Variants in E2F7 observed in about 807,000 individuals in gnomAD.
E2F7 encodes the protein E2F transcription factor 7.
E2F7 carries 35 observed loss-of-function variants against 81.1 expected under a neutral mutation model. The observed-to-expected ratio is 0.43, with a 90% CI of 0.33 to 0.57. The LOEUF is 0.57. E2F7 is among the 20% of genes least tolerant of loss of function. The pLI, the probability that E2F7 is intolerant of heterozygous loss-of-function variation, is 0.04. For synonymous variants in E2F7, 416 were observed against 416.2 expected, an observed-to-expected ratio of 1.00 and a Z score of 0.01; for missense variants, 961 against 1,093.7, an observed-to-expected ratio of 0.88 and a Z score of 1.71.
chr12:77,044,225 G>T (rs1259592864), intron 6 of E2F7: 2 of 454,322 alleles, frequency 4.4e-6, no homozygotes, highest in African/African-American at 4.0e-5. Flanking sequence ...CCCTTACCCT[G>T]GCCATTCTTC....
In E2F7 at chr12:77,059,960, C is replaced by CAA. The variant is rs59663589; in HGVS notation, c.94-3832_94-3831dup. 2.9e-3 allele frequency among the ~76,000 whole-genome samples: 227 copies of CAA among 76,984 alleles called. 3 individuals are homozygous for CAA. The highest frequency in any genetic ancestry group is 0.017 in the East Asian group (47 of 2,762). 50.5% of individuals were successfully genotyped at this position (76,984 alleles called of 152,430 possible). ...CCTGGGTGACAGCGAGATTCTGTCT[C>CAA]AAAAAAAAAAAAAAAAAAAAAAGCC... On this transcript the variant is annotated intron_variant, in intron 2 of 12. Transcript: ENST00000322886.
At chr12:77,039,943 A>T (rs1007896471) in intron 7 of E2F7, among the ~76,000 whole-genome samples, 17 of 152,226 alleles carry the variant, frequency 1.1e-4, no homozygotes, top group African/African-American at 4.1e-4. Context: ...TATCAATCTC[A>T]AAATAATTAT....
chr12:77,029,598 T>C (rs1232997098), intron 10 of E2F7, among the ~76,000 whole-genome samples: 1 of 152,104 alleles, frequency 6.6e-6, no homozygotes, highest in African/African-American at 2.4e-5. Flanking sequence ...GTAACTCTTC[T>C]TTATACTTTT....
At chr12:77,031,070 C>T (rs310829) in intron 9 of E2F7, among the ~76,000 whole-genome samples, 12,062 of 152,128 alleles carry the variant, frequency 0.079, 688 homozygotes, top group Middle Eastern at 0.17. Flanking sequence ...AAAATTAAGT[C>T]CCATAAATGT....
intron 3 of E2F7, among the ~76,000 whole-genome samples, chr12:77,053,554 C>T (rs949349295): frequency 6.6e-6 from 1 of 152,160 alleles, no homozygotes; most frequent in African/African-American, 2.4e-5. Flanking sequence ...ACACTGAGGT[C>T]CCCAGATGAC....
At chr12:77,024,671 A>G (rs1200839183) in intron 12 of E2F7, among the ~76,000 whole-genome samples, 1 of 152,248 alleles carries the variant, frequency 6.6e-6, no homozygotes, top group Non-Finnish European at 1.5e-5. Context: ...TTAATGTGCC[A>G]TAAAATGGCA....
At chr12:77,031,174 G>A (rs1041747187) in intron 9 of E2F7, among the ~76,000 whole-genome samples, 29 of 152,044 alleles carry the variant, frequency 1.9e-4, no homozygotes, top group Admixed American at 1.7e-3. Context: ...AGTGAGCTAC[G>A]ATCACGCCAC....
At chr12:77,034,234 T>G (rs1469494925) in intron 7 of E2F7, among the ~76,000 whole-genome samples, 192 bp from the exon 8 acceptor site, 3 of 152,142 alleles carry the variant, frequency 2.0e-5, no homozygotes, top group African/African-American at 7.2e-5. Context: ...CTTTTTTTTT[T>G]AAGTTAGTGG....
intron 6 of E2F7, among the ~76,000 whole-genome samples, chr12:77,043,658 G>A (rs2120692934): frequency 6.6e-6 from 1 of 152,182 alleles, no homozygotes; most frequent in Admixed American, 6.5e-5. Flanking sequence ...GCACTCCTGG[G>A]CACACAGGAT....
chr12:77,028,281 C>T (rs1435196823), intron 10 of E2F7, 143 bp from the exon 11 acceptor site: 4 of 1,093,006 alleles, frequency 3.7e-6, no homozygotes, highest in Admixed American at 2.8e-5. Context: ...CAACCTCTGA[C>T]TCCAAGGTTC....
chr12:77,041,518 G>T (rs1565902796), intron 7 of E2F7, among the ~76,000 whole-genome samples: 1 of 152,076 alleles, frequency 6.6e-6, no homozygotes, highest in Admixed American at 6.6e-5. Flanking sequence ...TCAATGGTAC[G>T]ACCACCTTTG....
At chr12:77,064,004 T>C (rs1955098277) in intron 2 of E2F7, among the ~76,000 whole-genome samples, 1 of 152,234 alleles carries the variant, frequency 6.6e-6, no homozygotes, top group Non-Finnish European at 1.5e-5. Flanking sequence ...TGTAAGGGAA[T>C]GGCTCAGTGC....
chr12:77,061,549 T>C (rs570429995), intron 2 of E2F7, among the ~76,000 whole-genome samples: 2 of 152,300 alleles, frequency 1.3e-5, no homozygotes, highest in African/African-American at 4.8e-5. Flanking sequence ...TTGTGTCAAG[T>C]GCATTGTAAA....
intron 11 of E2F7, 145 bp from the exon 12 acceptor site, chr12:77,026,127 C>A: frequency 1.1e-6 from 1 of 895,270 alleles, no homozygotes; most frequent in Non-Finnish European, 1.6e-6. Context: ...CCAGGCCAAA[C>A]AGCCCACACC....
chr12:77,036,190 A>T (rs1954848457), intron 7 of E2F7, among the ~76,000 whole-genome samples: 1 of 152,236 alleles, frequency 6.6e-6, no homozygotes, highest in Non-Finnish European at 1.5e-5. Context: ...AACAAAACCA[A>T]GTACACAAAA....
At chr12:77,046,489 A>C (rs1161514244) in intron 4 of E2F7, among the ~76,000 whole-genome samples, 161 bp from the exon 5 acceptor site, 6 of 152,248 alleles carry the variant, frequency 3.9e-5, no homozygotes, top group Non-Finnish European at 8.8e-5. Flanking sequence ...GGATGCAAGC[A>C]ATATAAATTA....
At chr12:77,063,160 T>C (rs1955091648) in intron 2 of E2F7, among the ~76,000 whole-genome samples, 1 of 152,226 alleles carries the variant, frequency 6.6e-6, no homozygotes, top group Non-Finnish European at 1.5e-5. Flanking sequence ...TGTCACGGTA[T>C]TGCAGTGCTC....
In E2F7 at chr12:77,029,857, C is replaced by T. The variant is rs138051697; in HGVS notation, c.1858G>A (p.Gly620Ser). The change falls in exon 10 of 13, where the codon GGC becomes AGC. Residue 620 changes from glycine (G) to serine (S), a missense_variant. Gly to Ser is a moderately conservative substitution (Grantham distance 56). Around this residue, in one of 3 missense-constraint regions of E2F7, gnomAD observed 587 missense variants for 620.3 expected, o/e 0.95. Transcript: ENST00000322886. Reference sequence around the variant, plus strand: ...TTGGGCATGACAAGCGACAGCGGGCCGTCTTCATATTCCCTACTTTGCCTT... The same window carrying T: ...TTGGGCATGACAAGCGACAGCGGGCTGTCTTCATATTCCCTACTTTGCCTT... ...TKRQSREYED[G>S]PLSLVMPKKP... 24 of 1,614,190 alleles carry T rather than the reference C, an allele frequency of 1.5e-5. No individual in the cohort carries two copies. In the African/African-American group the frequency reaches 1.7e-4, roughly 12 times the overall value.
chr12:77,055,802 C>G (rs1955026905), intron 3 of E2F7, 53 bp downstream of exon 3: 1 of 1,514,362 alleles, frequency 6.6e-7, no homozygotes, highest in Non-Finnish European at 8.8e-7. Context: ...TTTTAATAAT[C>G]AAGTAAAATT....
Sources: allele counts gnomAD v4.1 joint callset (sites outside exome capture counted in the v4.1 genomes callset), GRCh38; gene constraint gnomAD v4.1.1; regional missense constraint gnomAD v4.1.1; transcripts MANE v1.5; gene names NCBI Gene and HGNC (gene_info 2026-07-23, HGNC 2026-07-21).